The following LIN9 variants were observed in gnomAD, a reference collection of about 807,000 sequenced individuals.
LIN9 encodes lin-9 DREAM MuvB core complex component, also known as protein lin-9 homolog.
LIN9 carries 18 observed loss-of-function variants against 78.0 expected under a neutral mutation model. The observed-to-expected ratio is 0.23, with a 90% CI of 0.16 to 0.34. The LOEUF is 0.34. Ranked by LOEUF, LIN9 falls within the 10% of genes least tolerant of loss-of-function variation. The pLI, the probability that LIN9 is intolerant of heterozygous loss-of-function variation, is 1.00. For missense variants in LIN9, 451 were observed against 644.1 expected (o/e 0.70, Z 3.25); for synonymous variants, 192 against 215.2 (o/e 0.89, Z 0.94).
At chr1:226,277,595 C>T (rs989945043) in intron 7 of LIN9, among the ~76,000 whole-genome samples, 180 bp downstream of exon 7, 2 of 152,202 alleles carry the variant, frequency 1.3e-5, no homozygotes, top group African/African-American at 4.8e-5. Flanking sequence ...TACTCCATCC[C>T]TGAGCATCAA....
intron 12 of LIN9, among the ~76,000 whole-genome samples, chr1:226,237,715 A>G (rs1191911116): frequency 2.4e-4 from 36 of 151,206 alleles, no homozygotes; most frequent in Non-Finnish European, 2.9e-5. Flanking sequence ...TGGGAGGCCG[A>G]GGAGGGCGGA....
chr1:226,309,400 C>T (rs1355754566), upstream of LIN9: 4 of 992,572 alleles, frequency 4.0e-6, no homozygotes, highest in Non-Finnish European at 2.4e-6. Context: ...GGAAGGAGGC[C>T]GCACGGCGAG....
At chr1:226,305,858 CGCTGTGTGTTTGTGGGAAGGGG>C (rs1304519267) in intron 1 of LIN9, among the ~76,000 whole-genome samples, 1 of 151,988 alleles carries the variant, frequency 6.6e-6, no homozygotes, top group East Asian at 1.9e-4. Context: ...GGATCCCTCT[CGCTGTGTGTTTGTGGGAAGGGG>C]GCTGAATTAA....
intron 2 of LIN9, among the ~76,000 whole-genome samples, chr1:226,298,120 T>C (rs974881877): frequency 6.6e-6 from 1 of 152,248 alleles, no homozygotes; most frequent in East Asian, 1.9e-4. Context: ...AAGAACTATC[T>C]CATAACTTTT....
intron 1 of LIN9, among the ~76,000 whole-genome samples, chr1:226,303,932 T>C (rs1662730940): frequency 4.6e-5 from 7 of 152,210 alleles, no homozygotes; most frequent in Admixed American, 4.6e-4. Context: ...AGATGCAGGA[T>C]AGCATAGTGG....
At chr1:226,258,599 G>A (rs377470886) in intron 10 of LIN9, among the ~76,000 whole-genome samples, 37 of 151,180 alleles carry the variant, frequency 2.4e-4, no homozygotes, top group African/African-American at 8.7e-4. Context: ...GGAATAAAAA[G>A]GGGCATTATG....
At chr1:226,274,520 A>G (rs1004812540) in intron 7 of LIN9, among the ~76,000 whole-genome samples, 5 of 152,024 alleles carry the variant, frequency 3.3e-5, no homozygotes, top group African/African-American at 1.2e-4. Flanking sequence ...TTTTTGGAAA[A>G]ATTTCAGCTT....
At chr1:226,272,922 A>T (rs1660398488) in intron 7 of LIN9, among the ~76,000 whole-genome samples, 1 of 151,740 alleles carries the variant, frequency 6.6e-6, no homozygotes, top group Admixed American at 6.6e-5. Flanking sequence ...TTTCTTTCTC[A>T]AACTGTCTTT....
chr1:226,250,148 C>T (rs1200543424), intron 11 of LIN9, among the ~76,000 whole-genome samples: 1 of 147,310 alleles, frequency 6.8e-6, no homozygotes, highest in South Asian at 2.1e-4. Flanking sequence ...CCAGCCTGGG[C>T]GACGAGCAAA....
At chr1:226,300,352 A>G (rs571072025) in intron 2 of LIN9, among the ~76,000 whole-genome samples, 1 of 151,464 alleles carries the variant, frequency 6.6e-6, no homozygotes, top group Non-Finnish European at 1.5e-5. Context: ...GGAGTTCGAG[A>G]CCAGCCTGGG....
rs1659839144 is a variant in LIN9 at position 226,265,372 on chromosome 1, T to C, written c.1038+161A>G. On this transcript the variant is annotated intron_variant, in intron 10 of 14. Coordinates refer to ENST00000681046, the MANE Select transcript of LIN9 (RefSeq NM_001366245.2). This position sits in a 1 kb window ranked among gnomAD's most constrained non-coding sequence, Gnocchi z 4.1. ...AGAAGAAAGATCTTTAAGTCTTTTT[T>C]GGTTTTTATAACTTTTATTTTCAGG... 6.6e-6 allele frequency among the ~76,000 whole-genome samples: 1 copy of C among 152,246 alleles called. No individual in the cohort carries two copies. Among genetic ancestry groups the C allele is most frequent in the South Asian group, 2.1e-4 (1 of 4,834 alleles).
chr1:226,243,106 T>C (rs1381610457), intron 11 of LIN9, among the ~76,000 whole-genome samples: 1 of 152,236 alleles, frequency 6.6e-6, no homozygotes, highest in Non-Finnish European at 1.5e-5. Context: ...CTAACCCCCA[T>C]GTTGTTTGAG....
chr1:226,304,852 C>T (rs1443296950), intron 1 of LIN9, among the ~76,000 whole-genome samples: 1 of 152,108 alleles, frequency 6.6e-6, no homozygotes, highest in Non-Finnish European at 1.5e-5. Flanking sequence ...TACAAAACTG[C>T]AACTGTAATA....
At chr1:226,275,971 T>C (rs1480959967) in intron 7 of LIN9, among the ~76,000 whole-genome samples, 6 of 151,746 alleles carry the variant, frequency 4.0e-5, no homozygotes, top group Non-Finnish European at 8.8e-5. Context: ...GAGGTTGTAG[T>C]GAGCCGAGAT....
rs779563316 is a variant in LIN9 at position 226,232,317 on chromosome 1, T to C, written c.*184A>G. ...CTGCATCTGAATAATAAAAGAAAAA[T>C]AAATATAATGCTGGTCAGCAATGCT... is the stretch of plus-strand genomic sequence containing the variant. On this transcript the variant is annotated 3_prime_UTR_variant, in exon 15 of 15. Coordinates refer to ENST00000681046, the MANE Select transcript of LIN9 (RefSeq NM_001366245.2). 28 of 411,802 alleles carry C rather than the reference T, an allele frequency of 6.8e-5. No individual in the cohort carries two copies. The highest frequency in any genetic ancestry group is 9.8e-5 in the Non-Finnish European group (23 of 233,680). The allele number at this position is 411,802 out of a possible 1,614,324, so 25.5% of individuals were successfully genotyped here. A position where few individuals can be genotyped will look rare whatever the true frequency, so the allele number is the denominator to read the frequency against.
At chr1:226,301,979 G>A (rs567570379) in intron 1 of LIN9, among the ~76,000 whole-genome samples, 1 of 152,366 alleles carries the variant, frequency 6.6e-6, no homozygotes, top group South Asian at 2.1e-4. Flanking sequence ...TGATGTGAGA[G>A]GCCTGCTGGA....
chr1:226,251,582 G>T (rs1439088357), intron 10 of LIN9, among the ~76,000 whole-genome samples: 2 of 152,116 alleles, frequency 1.3e-5, no homozygotes, highest in African/African-American at 2.4e-5. Flanking sequence ...GACTGGTCTC[G>T]AACTCCTGAC....
Position 226,232,031 on chromosome 1 carries a change from T to C in LIN9, c.*470A>G, listed in dbSNP as rs1416471682. The C allele has an allele frequency of 2.5e-6, 1 of 398,330 alleles. No individual in the cohort carries two copies. Among genetic ancestry groups the C allele is most frequent in the Admixed American group, 4.4e-5 (1 of 22,716 alleles). The allele number at this position is 398,330 out of a possible 1,614,324, so 24.7% of individuals were successfully genotyped here. A position where few individuals can be genotyped will look rare whatever the true frequency, so the allele number is the denominator to read the frequency against. On this transcript the variant is annotated 3_prime_UTR_variant, in exon 15 of 15. Transcript: ENST00000681046. The stretch of plus-strand genomic sequence containing the variant: ...ACTTCCCACACCTCATGATGTTATC[T>C]TTTGAAGACTGAGATGGTGATCAAC...
intron 1 of LIN9, among the ~76,000 whole-genome samples, chr1:226,307,250 A>G (rs1662971978): frequency 1.3e-5 from 2 of 152,262 alleles, no homozygotes; most frequent in Admixed American, 6.5e-5. Flanking sequence ...AGACATGTTT[A>G]TGATAAAGAT....
Sources: allele counts gnomAD v4.1 joint callset (sites outside exome capture counted in the v4.1 genomes callset), GRCh38; gene constraint gnomAD v4.1.1; non-coding constraint Gnocchi (gnomAD v3.1); transcripts MANE v1.5; gene names NCBI Gene and HGNC (gene_info 2026-07-23, HGNC 2026-07-21).